ADAMTS18: variants seen among roughly 807,000 people sequenced by gnomAD.
ADAMTS18 encodes A disintegrin and metalloproteinase with thrombospondin motifs 18.
In ADAMTS18, 157 loss-of-function variants were observed where a neutral mutation model predicts 165.9. That is an observed-to-expected ratio of 0.95 (90% CI 0.83 to 1.08). ADAMTS18 has a LOEUF of 1.08. Ranked by LOEUF, ADAMTS18 falls within the 50% of genes least tolerant of loss-of-function variation. The pLI is 0.00. For synonymous variants in ADAMTS18, 782 were observed against 578.2 expected (o/e 1.35, Z -5.06); for missense variants, 2,040 against 1,534.0 (o/e 1.33, Z -5.51).
chr16:77,374,987 T>C (rs896479814), intron 3 of ADAMTS18, among the ~76,000 whole-genome samples: 4 of 152,242 alleles, frequency 2.6e-5, no homozygotes, highest in Non-Finnish European at 4.4e-5. Flanking sequence ...TGCTTAAAAA[T>C]ATAAACCCAA....
intron 2 of ADAMTS18, 69 bp downstream of exon 2, chr16:77,434,349 C>G (rs2144874637): frequency 1.3e-6 from 2 of 1,518,790 alleles, no homozygotes; most frequent in African/African-American, 1.4e-5. Context: ...CATCTTTTCT[C>G]TCTTTGGGGG....
At chr16:77,410,353 T>C (rs188382908) in intron 3 of ADAMTS18, among the ~76,000 whole-genome samples, 2 of 152,040 alleles carry the variant, frequency 1.3e-5, no homozygotes, top group Admixed American at 1.3e-4. Context: ...CTAGGCCTCA[T>C]CTTTTTTAAA....
rs141026455 is a variant in ADAMTS18 at position 77,300,319 on chromosome 16, C to A, written c.2618G>T (p.Arg873Ile). 5 of 1,613,936 alleles carry A rather than the reference C, an allele frequency of 3.1e-6. No individual in the cohort carries two copies. The African/African-American group carries it at 6.7e-5, about 22-fold the overall frequency. ...CACGATACTCCAGGTATAGGCAGGTCTTTTTGTGGCTGGTGGAGTTCCATT... is the reference window on the plus strand; with the variant it reads ...CACGATACTCCAGGTATAGGCAGGTATTTTTGTGGCTGGTGGAGTTCCATT... ...VMNGTPPATK[R>I]PAYTWSIVQS... is the part of the protein sequence containing the mutation. The change falls in exon 17 of 23, where the codon AGA (arginine) becomes ATA (isoleucine). Residue 873 changes from arginine to isoleucine, a missense_variant. Arg to Ile is a moderately conservative substitution (Grantham distance 97). Coordinates refer to ENST00000282849, the MANE Select transcript of ADAMTS18 (RefSeq NM_199355.4).
chr16:77,313,144 G>GCT (rs1380631280), intron 16 of ADAMTS18, among the ~76,000 whole-genome samples: 2 of 152,040 alleles, frequency 1.3e-5, no homozygotes, highest in Non-Finnish European at 2.9e-5. Flanking sequence ...GTCCTTTGCA[G>GCT]GAACATGGAT....
intron 3 of ADAMTS18, among the ~76,000 whole-genome samples, chr16:77,419,797 G>C (rs1045934251): frequency 6.6e-6 from 1 of 151,754 alleles, no homozygotes; most frequent in African/African-American, 2.4e-5. Context: ...TCAGGAGTTC[G>C]AGACCAGCCT....
At chr16:77,287,236 C>T (rs752789999) in intron 22 of ADAMTS18, among the ~76,000 whole-genome samples, 10 of 152,146 alleles carry the variant, frequency 6.6e-5, no homozygotes, top group South Asian at 2.1e-4. Context: ...AATCTTCTTC[C>T]GTCACCATGC....
intron 11 of ADAMTS18, among the ~76,000 whole-genome samples, chr16:77,337,280 G>A (rs1031110702): frequency 1.3e-5 from 2 of 152,146 alleles, no homozygotes. Context: ...GGACTCTACT[G>A]GACTGAGTTC....
chr16:77,413,314 G>A (rs114872344), intron 3 of ADAMTS18, among the ~76,000 whole-genome samples: 234 of 152,234 alleles, frequency 1.5e-3, no homozygotes, highest in African/African-American at 5.2e-3. Context: ...ACTAAAGACA[G>A]GCTCTAACTC....
chr16:77,376,731 C>G (rs909249249), intron 3 of ADAMTS18, among the ~76,000 whole-genome samples: 3 of 147,494 alleles, frequency 2.0e-5, no homozygotes, highest in Non-Finnish European at 4.5e-5. Context: ...ATGTTTTATT[C>G]TTTAAAATGA....
chr16:77,312,734 C>T (rs2055806624), intron 16 of ADAMTS18, among the ~76,000 whole-genome samples: 1 of 152,066 alleles, frequency 6.6e-6, no homozygotes, highest in South Asian at 2.1e-4. Flanking sequence ...CAAATCAAAA[C>T]CACAATAAGA....
Position 77,283,993 on chromosome 16 carries a change from C to T in ADAMTS18, c.3629G>A (p.Gly1210Glu). 1 of 1,613,994 alleles carries T rather than the reference C, an allele frequency of 6.2e-7. No homozygotes were observed. Among genetic ancestry groups the T allele is most frequent in the Non-Finnish European group, 8.5e-7 (1 of 1,179,928 alleles). Residue 1210 changes from glycine (G) to glutamate (E), a missense_variant, in exon 23 of 23, where the codon GGA becomes GAA. Transcript: ENST00000282849. ...QHGVCNHKFY[G>E]KQCCKSCTRK... The stretch of plus-strand genomic sequence containing the variant: ...TGTGCATGACTTGCAGCATTGTTTT[C>T]CGTAAAACTTGTGGTTGCAGACACC...
chr16:77,321,854 G>C (rs2056004491), intron 14 of ADAMTS18, among the ~76,000 whole-genome samples: 1 of 152,124 alleles, frequency 6.6e-6, no homozygotes, highest in African/African-American at 2.4e-5. Context: ...AAGTAAATGA[G>C]GAACGTAGAT....
At chr16:77,410,153 C>T (rs1003191207) in intron 3 of ADAMTS18, among the ~76,000 whole-genome samples, 22 of 151,948 alleles carry the variant, frequency 1.4e-4, no homozygotes, top group Non-Finnish European at 2.1e-4. Flanking sequence ...TTTACGAATA[C>T]CCATTCTTCC....
chr16:77,289,183 A>G lies in ADAMTS18; in HGVS notation c.3550+81T>C, dbSNP rs1438512534. 6 of 1,543,286 alleles carry G rather than the reference A, an allele frequency of 3.9e-6. No homozygotes were observed. In the Admixed American group the frequency reaches 1.0e-4, roughly 26 times the overall value. ...TTACCCTAGAGTTGTACAATGTCAC[A>G]GGCTGCACTACTAACAAAGTAGCCT... On this transcript the variant is annotated intron_variant, in intron 22 of 22. Coordinates refer to ENST00000282849, the MANE Select transcript of ADAMTS18 (RefSeq NM_199355.4).
At position 77,386,294 on chromosome 16, in the gene ADAMTS18, T is replaced by C. The variant is rs148240783; in HGVS notation, c.496-18571A>G. On this transcript the variant is annotated intron_variant, in intron 3 of 22. Coordinates refer to ENST00000282849, the MANE Select transcript of ADAMTS18 (RefSeq NM_199355.4). ...CCAGGCTTAAAGATGCAAATACCTATACCCAACTTGGACTTTAGGATCCAA... is the reference window on the plus strand; with the variant it reads ...CCAGGCTTAAAGATGCAAATACCTACACCCAACTTGGACTTTAGGATCCAA... 1.1e-4 allele frequency among the ~76,000 whole-genome samples: 16 copies of C among 152,304 alleles called. 1 individual carries two copies. The South Asian group carries it at 1.4e-3, about 14-fold the overall frequency.
chr16:77,377,769 ATT>A (rs1339910229), intron 3 of ADAMTS18, among the ~76,000 whole-genome samples: 1 of 152,210 alleles, frequency 6.6e-6, no homozygotes, highest in Non-Finnish European at 1.5e-5. Flanking sequence ...TTCTTTAAAA[ATT>A]TTTTTAAATC....
intron 21 of ADAMTS18, chr16:77,290,922 C>A: frequency 3.4e-6 from 1 of 295,396 alleles, no homozygotes; most frequent in South Asian, 3.1e-5. Flanking sequence ...CTGTGAGCAG[C>A]ATTTCTAAAA....
intron 21 of ADAMTS18, 37 bp from the exon 22 acceptor site, chr16:77,289,448 C>T: frequency 6.2e-7 from 1 of 1,610,506 alleles, no homozygotes. Context: ...CAGAAACACT[C>T]TACTGAGGTC....
intron 3 of ADAMTS18, among the ~76,000 whole-genome samples, chr16:77,397,627 T>C (rs930312619): frequency 2.0e-5 from 3 of 152,154 alleles, no homozygotes; most frequent in African/African-American, 7.2e-5. Context: ...GAAAATAGGA[T>C]TTATACAAAA....
Sources: allele counts gnomAD v4.1 joint callset (sites outside exome capture counted in the v4.1 genomes callset), GRCh38; gene constraint gnomAD v4.1.1; transcripts MANE v1.5; gene names NCBI Gene and HGNC (gene_info 2026-07-23, HGNC 2026-07-21).